The following SLCO4C1 variants were observed in gnomAD, a reference collection of about 807,000 sequenced individuals.
SLCO4C1 encodes organic anion transporter M1.
In SLCO4C1, 58 loss-of-function variants were observed where a neutral mutation model predicts 72.1. That is an observed-to-expected ratio of 0.80 (90% confidence interval 0.65 to 1.00). The LOEUF (loss-of-function observed/expected upper bound fraction) is 1.00. SLCO4C1 is among the 50% of genes least tolerant of loss of function. The probability of loss-of-function intolerance (pLI) is 0.00; values close to 1 mark genes in which losing one functional copy is unlikely to be tolerated. For synonymous variants in SLCO4C1, 297 were observed against 312.5 expected (o/e 0.95, Z 0.52); for missense variants, 898 against 857.9 (o/e 1.05, Z -0.58).
chr5:102,262,378 A>G (rs1169769177), intron 4 of SLCO4C1, among the ~76,000 whole-genome samples: 1 of 152,190 alleles, frequency 6.6e-6, no homozygotes, highest in Non-Finnish European at 1.5e-5. Context: ...TTAAATATAT[A>G]TCACAGCAAA....
intron 10 of SLCO4C1, among the ~76,000 whole-genome samples, chr5:102,241,935 G>C (rs1161569667): frequency 2.0e-5 from 3 of 152,102 alleles, no homozygotes; most frequent in African/African-American, 7.2e-5. Context: ...ATTCCTGAAA[G>C]AGGCACTGAA....
chr5:102,262,802 T>A (rs1044205918), intron 4 of SLCO4C1, among the ~76,000 whole-genome samples: 2 of 152,174 alleles, frequency 1.3e-5, no homozygotes, highest in Non-Finnish European at 2.9e-5. Context: ...CTTTCTTAAA[T>A]CTCTGGGTCA....
Position 102,295,891 on chromosome 5 carries a change from C to A in SLCO4C1, c.355+17G>T. 1 of 1,599,028 alleles carries A rather than the reference C, an allele frequency of 6.3e-7. No individual in the cohort carries two copies. Among genetic ancestry groups the A allele is most frequent in the Non-Finnish European group, 8.5e-7 (1 of 1,169,904 alleles). On this transcript the variant is annotated intron_variant, in intron 1 of 12. Coordinates refer to ENST00000310954, the MANE Select transcript of SLCO4C1 (RefSeq NM_180991.5). ...GCTCTCCACTGGCCCGAGCCTCAAG[C>A]GGGCGCTGGACTTTACCTTGCGTGA...
Position 102,295,896 on chromosome 5 carries a change from G to T in SLCO4C1, c.355+12C>A. 6.2e-7 allele frequency: 1 copy of T among 1,605,674 alleles called. No homozygotes were observed. The highest frequency in any genetic ancestry group is 8.5e-7 in the Non-Finnish European group (1 of 1,174,004). ...CCACTGGCCCGAGCCTCAAGCGGGC[G>T]CTGGACTTTACCTTGCGTGACGGCC... is the stretch of plus-strand genomic sequence containing the variant. On this transcript the variant is annotated intron_variant, in intron 1 of 12. Transcript: ENST00000310954.
In SLCO4C1 at chr5:102,270,754, T is replaced by C; in HGVS notation, c.672A>G (p.Ser224=). ...TGAAGACATACAAGTAGTTAGAAAG[T>C]GAAGAAGTTGAAGATGTACAACTGG... ...NSTSCTSSTS[S]LSNYLYVFIL... Residue 224 remains serine (S), a synonymous_variant, in exon 3 of 13, where the codon TCA becomes TCG. Coordinates refer to ENST00000310954, the MANE Select transcript of SLCO4C1 (RefSeq NM_180991.5). 3 of 1,612,606 alleles carry C rather than the reference T, an allele frequency of 1.9e-6. No individual in the cohort carries two copies. In the African/African-American group the frequency reaches 4.0e-5, roughly 22 times the overall value.
intron 12 of SLCO4C1, among the ~76,000 whole-genome samples, chr5:102,238,514 G>T (rs2112331021): frequency 6.6e-6 from 1 of 152,088 alleles, no homozygotes; most frequent in East Asian, 1.9e-4. Context: ...GGATTTACAT[G>T]CATGTAAGAG....
Position 102,239,294 on chromosome 5 carries a change from C to T in SLCO4C1, c.1971G>A (p.Trp657Ter), listed in dbSNP as rs748855170. The stretch of plus-strand genomic sequence containing the variant: ...GGGCCATCTTGATGTTATCATAAAT[C>T]CAGCAAGCTCCTTTAATTCCACAAT... The part of the protein sequence containing the change: ...INDCGIKGAC[W>*]IYDNIKMAHM... Residue 657 changes from tryptophan (W) to a stop codon, truncating the protein, a stop_gained, in exon 12 of 13, where the codon TGG becomes TGA. Coordinates refer to ENST00000310954, the MANE Select transcript of SLCO4C1 (RefSeq NM_180991.5). LOFTEE classifies it low-confidence loss of function (END_TRUNC). The T allele has an allele frequency of 2.5e-6, 4 of 1,600,262 alleles. No homozygotes were observed. In the South Asian group the frequency reaches 3.4e-5, roughly 14 times the overall value.
Position 102,272,686 on chromosome 5 carries a change from T to C in SLCO4C1, c.620-1880A>G, listed in dbSNP as rs550029617. Among the ~76,000 whole-genome samples the C allele has an allele frequency of 1.6e-3, 247 of 152,288 alleles. 1 individual carries two copies. The highest frequency in any genetic ancestry group is 7.7e-3 in the South Asian group (37 of 4,830). On this transcript the variant is annotated intron_variant, in intron 2 of 12. Coordinates refer to ENST00000310954, the MANE Select transcript of SLCO4C1 (RefSeq NM_180991.5). ...AGAAATGTGTTGAGGCAGGGCGTGA[T>C]GGCTTACACCTATAATTCCAGTACT... is the stretch of plus-strand genomic sequence containing the variant.
intron 4 of SLCO4C1, among the ~76,000 whole-genome samples, 157 bp from the exon 5 acceptor site, chr5:102,262,190 G>A (rs909376884): frequency 6.6e-6 from 1 of 152,104 alleles, no homozygotes; most frequent in South Asian, 2.1e-4. Context: ...TCAGAAAACA[G>A]GTAGCAGACA....
intron 10 of SLCO4C1, among the ~76,000 whole-genome samples, chr5:102,241,538 A>G (rs994407224): frequency 6.6e-6 from 1 of 152,186 alleles, no homozygotes; most frequent in Non-Finnish European, 1.5e-5. Flanking sequence ...AAAGTTAACC[A>G]AAGAGGTAAA....
intron 1 of SLCO4C1, 74 bp from the exon 2 acceptor site, chr5:102,291,680 G>T: frequency 7.9e-7 from 1 of 1,266,454 alleles, no homozygotes; most frequent in Non-Finnish European, 1.1e-6. Flanking sequence ...CAATGAAGTA[G>T]AGTTTGATTA....
intron 5 of SLCO4C1, 75 bp from the exon 6 acceptor site, chr5:102,260,394 T>C (rs1748919070): frequency 2.5e-5 from 7 of 283,010 alleles, no homozygotes; most frequent in Admixed American, 5.8e-5. Context: ...ATATATATAA[T>C]ATATAATAAG....
At chr5:102,251,314 C>A (rs1187931954) in intron 8 of SLCO4C1, among the ~76,000 whole-genome samples, 1 of 152,078 alleles carries the variant, frequency 6.6e-6, no homozygotes, top group African/African-American at 2.4e-5. Context: ...GAAAGGGGAC[C>A]AGTTACAATA....
At chr5:102,275,460 C>T (rs527952744) in intron 2 of SLCO4C1, among the ~76,000 whole-genome samples, 4 of 152,188 alleles carry the variant, frequency 2.6e-5, no homozygotes, top group South Asian at 4.1e-4. Flanking sequence ...TATCACTATA[C>T]TGTAAAAGTA....
In SLCO4C1 at chr5:102,235,660, CTT is replaced by C. The variant is rs1367616778; in HGVS notation, c.*1196_*1197del. On this transcript the variant is annotated 3_prime_UTR_variant, in exon 13 of 13. Transcript: ENST00000310954. ...GAGCATTACTGCCTGAGCTCCACCT[CTT>C]GTTAGATCAGTAGTGGCATTAGATT... 4.6e-5 allele frequency: 7 copies of C among 152,304 alleles called. No homozygotes were observed. The highest frequency in any genetic ancestry group is 1.7e-4 in the African/African-American group (7 of 41,474). The allele number at this position is 152,304 out of a possible 1,614,324, so 9.4% of individuals were successfully genotyped here.
At chr5:102,247,060 G>A (rs894404169) in intron 10 of SLCO4C1, among the ~76,000 whole-genome samples, 192 bp downstream of exon 10, 1 of 152,112 alleles carries the variant, frequency 6.6e-6, no homozygotes, top group African/African-American at 2.4e-5. Context: ...ACTTTCACCT[G>A]CATATCATTT....
chr5:102,279,086 T>C (rs1484567459), intron 2 of SLCO4C1, among the ~76,000 whole-genome samples: 3 of 151,902 alleles, frequency 2.0e-5, no homozygotes, highest in African/African-American at 4.8e-5. Context: ...TGGCTACATC[T>C]AGCAAGACTG....
chr5:102,291,853 C>T (rs978360024), intron 1 of SLCO4C1, among the ~76,000 whole-genome samples: 2 of 151,888 alleles, frequency 1.3e-5, no homozygotes, highest in African/African-American at 4.8e-5. Flanking sequence ...CAGAGTTTCA[C>T]TTTCATTGCC....
At chr5:102,238,962 CA>C (rs1748487317) in intron 12 of SLCO4C1, among the ~76,000 whole-genome samples, 1 of 151,904 alleles carries the variant, frequency 6.6e-6, no homozygotes, top group Non-Finnish European at 1.5e-5. Context: ...GTATACTTTC[CA>C]AAAATGTTTG....
Sources: allele counts gnomAD v4.1 joint callset (sites outside exome capture counted in the v4.1 genomes callset), GRCh38; gene constraint gnomAD v4.1.1; transcripts MANE v1.5; gene names NCBI Gene and HGNC (gene_info 2026-07-23, HGNC 2026-07-21).